The following HDAC9 variants were observed in gnomAD, a reference collection of about 807,000 sequenced individuals.
The protein encoded by HDAC9 is histone deacetylase 9.
In HDAC9, 41 loss-of-function variants were observed where a neutral mutation model predicts 139.4. The ratio of observed to expected loss-of-function variants is 0.29; its 90% confidence interval spans 0.23 to 0.38. The LOEUF is 0.38. Among genes scored for constraint, HDAC9 ranks in the 10% least tolerant of loss-of-function variants. The probability of loss-of-function intolerance (pLI) is 1.00; values close to 1 mark genes in which losing one functional copy is unlikely to be tolerated. For synonymous variants in HDAC9, 517 were observed against 476.2 expected, an observed-to-expected ratio of 1.09 and a Z score of -1.12; for missense variants, 1,147 against 1,297.0, an observed-to-expected ratio of 0.88 and a Z score of 1.78.
chr7:18,554,075 G>T (rs915039894), intron 2 of HDAC9, among the ~76,000 whole-genome samples: 3 of 152,114 alleles, frequency 2.0e-5, no homozygotes, highest in Non-Finnish European at 4.4e-5. Flanking sequence ...TAGTTACTGT[G>T]ACAGTAAAAA....
intron 1 of HDAC9, among the ~76,000 whole-genome samples, chr7:18,429,774 ATT>A (rs1790469132): frequency 1.3e-5 from 2 of 152,192 alleles, no homozygotes; most frequent in African/African-American, 4.8e-5. Flanking sequence ...TTCCTATGCT[ATT>A]TAGATACACT....
intron 14 of HDAC9, among the ~76,000 whole-genome samples, chr7:18,754,458 G>C (rs2129150511): frequency 6.6e-6 from 1 of 152,154 alleles, no homozygotes; most frequent in African/African-American, 2.4e-5. Context: ...GCCCCACCAA[G>C]CCACCCACAG....
chr7:18,939,914 C>A (rs900777396), intron 23 of HDAC9, among the ~76,000 whole-genome samples: 2 of 152,126 alleles, frequency 1.3e-5, no homozygotes, highest in South Asian at 4.1e-4. Context: ...AATTGAACTC[C>A]CATTAGAAAG....
At chr7:18,481,139 G>C (rs1465608391) in intron 1 of HDAC9, among the ~76,000 whole-genome samples, 1 of 152,120 alleles carries the variant, frequency 6.6e-6, no homozygotes, top group African/African-American at 2.4e-5. Context: ...GTTTTTTGGA[G>C]AGGGCAATCC....
At chr7:18,906,146 T>C (rs1241973925) in intron 22 of HDAC9, among the ~76,000 whole-genome samples, 2 of 151,686 alleles carry the variant, frequency 1.3e-5, no homozygotes, top group Admixed American at 6.6e-5. Flanking sequence ...TTTAACGTTA[T>C]TTTTTTTCTT....
Position 19,000,083 on chromosome 7 carries a change from G to A in HDAC9, c.*4021G>A, listed in dbSNP as rs753492860. 2 of 152,138 alleles carry A rather than the reference G, an allele frequency of 1.3e-5. No individual in the cohort carries two copies. The highest frequency in any genetic ancestry group is 2.1e-4 in the South Asian group (1 of 4,828). 9.4% of individuals were successfully genotyped at this position (152,138 alleles called of 1,614,324 possible). ...GTTGAACTATTTTCATAAAGATGGCGTTTTCACTTTCAAAAGAAATGAAAA... is the reference window on the plus strand; with the variant it reads ...GTTGAACTATTTTCATAAAGATGGCATTTTCACTTTCAAAAGAAATGAAAA... On this transcript the variant is annotated 3_prime_UTR_variant, in exon 26 of 26. Coordinates refer to ENST00000686413, the MANE Select transcript of HDAC9 (RefSeq NM_178425.4).
chr7:18,958,631 T>A (rs1783322564), intron 24 of HDAC9, among the ~76,000 whole-genome samples: 1 of 152,212 alleles, frequency 6.6e-6, no homozygotes, highest in African/African-American at 2.4e-5. Context: ...AATTGCCGTA[T>A]CTTTTGCACA....
intron 22 of HDAC9, among the ~76,000 whole-genome samples, chr7:18,908,969 G>T (rs1802510123): frequency 6.6e-6 from 1 of 151,918 alleles, no homozygotes; most frequent in Admixed American, 6.6e-5. Flanking sequence ...TTGGCTTTTT[G>T]AGGACCCTCC....
At chr7:18,903,350 C>T (rs946059864) in intron 22 of HDAC9, among the ~76,000 whole-genome samples, 2 of 152,292 alleles carry the variant, frequency 1.3e-5, no homozygotes, top group African/African-American at 2.4e-5. Flanking sequence ...ACTTGTGTGG[C>T]GCCTAAGCAA....
At chr7:18,293,287 G>A (rs1293870145) in intron 1 of HDAC9, among the ~76,000 whole-genome samples, 5 of 148,972 alleles carry the variant, frequency 3.4e-5, no homozygotes, top group Non-Finnish European at 7.4e-5. Context: ...AAGGGTCACT[G>A]TTATGTCACA....
At chr7:18,983,594 A>G (rs2129343392) in intron 25 of HDAC9, among the ~76,000 whole-genome samples, 1 of 152,270 alleles carries the variant, frequency 6.6e-6, no homozygotes, top group South Asian at 2.1e-4. Flanking sequence ...TTGGATAGAT[A>G]GCTAAGATAG....
intron 1 of HDAC9, among the ~76,000 whole-genome samples, chr7:18,360,461 C>T (rs1783688155): frequency 1.3e-5 from 2 of 152,186 alleles, no homozygotes; most frequent in African/African-American, 2.4e-5. Flanking sequence ...TTTTCCCCTA[C>T]ACTTTCTGAA....
At chr7:18,862,344 GCC>G (rs1798172382) in intron 21 of HDAC9, among the ~76,000 whole-genome samples, 5 of 152,180 alleles carry the variant, frequency 3.3e-5, no homozygotes, top group Admixed American at 6.5e-5. Context: ...GAATAATAGA[GCC>G]GCATATGACT....
chr7:18,709,904 C>T (rs1376062992), intron 12 of HDAC9, among the ~76,000 whole-genome samples: 1 of 152,228 alleles, frequency 6.6e-6, no homozygotes, highest in South Asian at 2.1e-4. Context: ...GGTCCTCCTA[C>T]ACTCAGGGGT....
At chr7:18,703,035 A>C (rs981727083) in intron 12 of HDAC9, among the ~76,000 whole-genome samples, 2 of 152,194 alleles carry the variant, frequency 1.3e-5, no homozygotes, top group African/African-American at 4.8e-5. Context: ...GCTATAAGGA[A>C]TCAAGAGAAT....
chr7:18,410,052 T>C (rs1053994601), intron 1 of HDAC9, among the ~76,000 whole-genome samples: 5 of 152,210 alleles, frequency 3.3e-5, no homozygotes, highest in African/African-American at 9.7e-5. Flanking sequence ...CTGTTTCTCT[T>C]AGTATCATCA....
chr7:18,489,746 A>G (rs1229931038), intron 1 of HDAC9, among the ~76,000 whole-genome samples: 1 of 152,044 alleles, frequency 6.6e-6, no homozygotes. Flanking sequence ...CCTTGATTCT[A>G]TCAAAAGACT....
intron 1 of HDAC9, among the ~76,000 whole-genome samples, chr7:18,302,971 T>C (rs1461898993): frequency 1.4e-5 from 2 of 145,648 alleles, no homozygotes; most frequent in East Asian, 1.9e-4. Context: ...TTTGTACATA[T>C]ATAATATATA....
intron 17 of HDAC9, among the ~76,000 whole-genome samples, chr7:18,823,589 C>A (rs529182894): frequency 6.6e-6 from 1 of 152,136 alleles, no homozygotes; most frequent in Non-Finnish European, 1.5e-5. Context: ...AAGCCCTAAT[C>A]TCCAGTGTGA....
Sources: gnomAD v4.1 joint callset for allele counts (sites outside exome capture counted in the v4.1 genomes callset) on GRCh38, gnomAD v4.1.1 for gene constraint, MANE v1.5 for transcripts, NCBI Gene and HGNC (gene_info 2026-07-23, HGNC 2026-07-21) for gene names.